The following PCDHGA2 variants were observed in gnomAD, a reference collection of about 807,000 sequenced individuals.
PCDHGA2 encodes protocadherin gamma subfamily A, 2.
A neutral mutation model predicts 59.2 loss-of-function variants in PCDHGA2; 40 were observed. That is an observed-to-expected ratio of 0.68 (90% confidence interval 0.52 to 0.88). The LOEUF (loss-of-function observed/expected upper bound fraction) is 0.88, where lower values mean the gene tolerates loss of function less well. PCDHGA2 is among the 40% of genes least tolerant of loss of function. The pLI is 0.00. For synonymous variants in PCDHGA2, 560 were observed against 526.0 expected (o/e 1.06, Z -0.89); for missense variants, 1,226 against 1,204.0 (o/e 1.02, Z -0.27).
chr5:141,355,664 C>T (rs1282736440), intron 1 of PCDHGA2: 2 of 1,613,972 alleles, frequency 1.2e-6, no homozygotes, highest in Admixed American at 3.3e-5. Flanking sequence ...TTTCCTCTTC[C>T]TGAAGCTTTT....
At chr5:141,357,238 C>T (rs1377383542) in intron 1 of PCDHGA2, 1 of 1,613,756 alleles carries the variant, frequency 6.2e-7, no homozygotes, top group African/African-American at 1.3e-5. Flanking sequence ...CAGCCTCAAG[C>T]CTTCAGCAGA....
chr5:141,505,911 A>C (rs2099849083), intron 3 of PCDHGA2, among the ~76,000 whole-genome samples: 1 of 152,154 alleles, frequency 6.6e-6, no homozygotes, highest in South Asian at 2.1e-4. Flanking sequence ...CAAAGCATAG[A>C]GTTCTGGGCC....
intron 1 of PCDHGA2, chr5:141,404,627 G>A: frequency 6.2e-7 from 1 of 1,614,144 alleles, no homozygotes; most frequent in Non-Finnish European, 8.5e-7. Context: ...GAATGACAAT[G>A]CCCCAGAAAT....
At chr5:141,421,531 T>G (rs1318944446) in intron 1 of PCDHGA2, 1 of 1,613,904 alleles carries the variant, frequency 6.2e-7, no homozygotes, top group Non-Finnish European at 8.5e-7. Flanking sequence ...GACGGTGTCC[T>G]CCTGTTTTTT....
intron 1 of PCDHGA2, chr5:141,423,106 G>A (rs562864937): frequency 1.2e-6 from 2 of 1,613,894 alleles, no homozygotes; most frequent in Admixed American, 1.7e-5. Context: ...CACGGGCGAG[G>A]TGCGTACAGC....
chr5:141,511,077 T>C lies in PCDHGA2; in HGVS notation c.2703T>C (p.Asn901=), dbSNP rs1279500774. ...YRQNVYIPGS[N]ATLTNAAGKR... is the part of the protein sequence containing the mutation. ...AGAATGTCTACATCCCAGGCAGCAA[T>C]GCCACACTGACCAACGCAGCTGGCA... is the stretch of plus-strand genomic sequence containing the variant. Residue 901 remains asparagine, a synonymous_variant, in exon 4 of 4, where the codon AAT becomes AAC. Transcript: ENST00000394576. 5 of 1,614,062 alleles carry C rather than the reference T, an allele frequency of 3.1e-6. No individual in the cohort carries two copies. The African/African-American group carries it at 6.7e-5, about 22-fold the overall frequency.
intron 1 of PCDHGA2, chr5:141,478,043 A>G (rs1399496347): frequency 7.4e-6 from 12 of 1,613,710 alleles, no homozygotes; most frequent in Non-Finnish European, 1.0e-5. Flanking sequence ...ACCCAGGCAG[A>G]CTCTCACGGT....
At chr5:141,445,420 T>C (rs968387442) in intron 1 of PCDHGA2, among the ~76,000 whole-genome samples, 3 of 152,204 alleles carry the variant, frequency 2.0e-5, no homozygotes, top group Admixed American at 6.5e-5. Context: ...GTCTGCTATA[T>C]GCAAGGCACT....
At chr5:141,449,000 T>G (rs1424736421) in intron 1 of PCDHGA2, among the ~76,000 whole-genome samples, 1 of 151,774 alleles carries the variant, frequency 6.6e-6, no homozygotes, top group African/African-American at 2.4e-5. Context: ...TAGAAAGCTG[T>G]TTTTTTTAAC....
chr5:141,347,277 C>T (rs1346582461), intron 1 of PCDHGA2, among the ~76,000 whole-genome samples: 2 of 151,850 alleles, frequency 1.3e-5, no homozygotes, highest in Non-Finnish European at 2.9e-5. Flanking sequence ...CCTCAGCCTC[C>T]CGAGTAGCTG....
At position 141,485,342 on chromosome 5, in the gene PCDHGA2, G is replaced by A; in HGVS notation, c.2425-9465G>A. On this transcript the variant is annotated intron_variant, in intron 1 of 3. Coordinates refer to ENST00000394576, the MANE Select transcript of PCDHGA2 (RefSeq NM_018915.4). The surrounding 1 kb of genome is among the most constrained non-coding windows in gnomAD (Gnocchi z 5.7). ...CGCTCAAGATTTCCTGCTGGATACG[G>A]ACAGTCTGTCAGCTCGCAGGCTGCA... 1 of 1,614,164 alleles carries A rather than the reference G, an allele frequency of 6.2e-7. No homozygotes were observed. The highest frequency in any genetic ancestry group is 8.5e-7 in the Non-Finnish European group (1 of 1,180,026).
intron 1 of PCDHGA2, chr5:141,426,871 A>G (rs887250057): frequency 2.2e-6 from 1 of 456,722 alleles, no homozygotes; most frequent in Non-Finnish European, 4.4e-6. Flanking sequence ...GTGCTGGAGA[A>G]GCCCCTGGGC....
intron 2 of PCDHGA2, among the ~76,000 whole-genome samples, chr5:141,502,431 G>A (rs998074347): frequency 1.3e-5 from 2 of 151,948 alleles, no homozygotes; most frequent in African/African-American, 4.8e-5. Context: ...TTCTCTGATG[G>A]TTAGATTCAG....
rs750200042 is a variant in PCDHGA2, at chr5:141,418,821, C to A, written c.2425-75986C>A. On this transcript the variant is annotated intron_variant, in intron 1 of 3. Coordinates refer to ENST00000394576, the MANE Select transcript of PCDHGA2 (RefSeq NM_018915.4). ...GAAAGATATACGATAAACATAGAAG[C>A]AAAAGACCGAGGATCTCTCTCAACA... 8.1e-6 allele frequency: 13 copies of A among 1,613,846 alleles called. 1 individual carries two copies. The highest frequency in any genetic ancestry group is 1.6e-4 in the Middle Eastern group (1 of 6,062).
rs186292704 is a variant in PCDHGA2 at position 141,490,783 on chromosome 5, C to T, written c.2425-4024C>T. ...TGTGTATGTCAACCCAGAGGATGGA[C>T]GGATCTTTGCCCAGCGTACCTTTGA... On this transcript the variant is annotated intron_variant, in intron 1 of 3. Transcript: ENST00000394576. The surrounding 1 kb of genome is among the most constrained non-coding windows in gnomAD (Gnocchi z 5.4). The T allele has an allele frequency of 8.1e-6, 13 of 1,614,024 alleles. 1 individual carries two copies. Among genetic ancestry groups the T allele is most frequent in the Middle Eastern group, 3.3e-4 (2 of 6,062 alleles).
chr5:141,357,514 C>A (rs563793307), intron 1 of PCDHGA2: 1 of 1,614,254 alleles, frequency 6.2e-7, no homozygotes, highest in South Asian at 1.1e-5. Flanking sequence ...GATCTTCTCC[C>A]AACCCAGCTA....
chr5:141,382,075 C>T (rs1474505918), intron 1 of PCDHGA2, among the ~76,000 whole-genome samples: 3 of 151,956 alleles, frequency 2.0e-5, no homozygotes, highest in Non-Finnish European at 4.4e-5. Flanking sequence ...GTGATCCGCC[C>T]GCCTCGGCCT....
chr5:141,363,237 C>T (rs1762851401), intron 1 of PCDHGA2, among the ~76,000 whole-genome samples: 1 of 152,240 alleles, frequency 6.6e-6, no homozygotes, highest in African/African-American at 2.4e-5. Flanking sequence ...ATGTTCACAT[C>T]ATTTTCTACA....
intron 1 of PCDHGA2, among the ~76,000 whole-genome samples, chr5:141,474,082 C>CA (rs1449032579): frequency 1.3e-5 from 2 of 152,064 alleles, no homozygotes; most frequent in African/African-American, 4.8e-5. Context: ...AAACAAAAAC[C>CA]AAAAAACAAA....
Sources: gnomAD v4.1 joint callset for allele counts (sites outside exome capture counted in the v4.1 genomes callset) on GRCh38, gnomAD v4.1.1 for gene constraint, Gnocchi (gnomAD v3.1) non-coding constraint, MANE v1.5 for transcripts, NCBI Gene and HGNC (gene_info 2026-07-23, HGNC 2026-07-21) for gene names.